ARMH3: variants seen among roughly 807,000 people sequenced by gnomAD.
ARMH3 encodes the protein armadillo-like helical domain-containing protein 3.
A neutral mutation model predicts 99.1 loss-of-function variants in ARMH3; 60 were observed. The ratio of observed to expected loss-of-function variants is 0.61; its 90% CI spans 0.49 to 0.75. The LOEUF is 0.75. Ranked by LOEUF, ARMH3 falls within the 30% of genes least tolerant of loss-of-function variation. The pLI, the probability that ARMH3 is intolerant of heterozygous loss-of-function variation, is 0.00. For synonymous variants in ARMH3, 285 were observed against 292.8 expected (o/e 0.97, Z 0.27); for missense variants, 679 against 843.1 (o/e 0.81, Z 2.41).
At chr10:101,877,416 C>T (rs2067296246) in intron 24 of ARMH3, among the ~76,000 whole-genome samples, 1 of 152,144 alleles carries the variant, frequency 6.6e-6, no homozygotes, top group South Asian at 2.1e-4. Flanking sequence ...AATCCCAACA[C>T]TTTGGGAGGC....
At chr10:102,006,703 C>G in intron 13 of ARMH3, 70 bp from the exon 14 acceptor site, 8 of 1,399,404 alleles carry the variant, frequency 5.7e-6, no homozygotes, top group Non-Finnish European at 8.1e-6. Flanking sequence ...GTGCCTAATA[C>G]CAATAAGGAC....
In ARMH3 at chr10:101,974,170, G is replaced by C. The variant is rs1845890121; in HGVS notation, c.1495+1042C>G. Among the ~76,000 whole-genome samples, 3 of 152,182 alleles carry C rather than the reference G, an allele frequency of 2.0e-5. No homozygotes were observed. In the South Asian group the frequency reaches 6.2e-4, roughly 32 times the overall value. On this transcript the variant is annotated intron_variant, in intron 20 of 25. Transcript: ENST00000370033. ...CTCCTACTCCCCCTTTACCACCATA[G>C]GCAGTAACTGCAAAAACTTGCTAAT... is the stretch of plus-strand genomic sequence containing the variant.
At chr10:101,879,617 G>C (rs2067360973) in intron 24 of ARMH3, among the ~76,000 whole-genome samples, 1 of 152,152 alleles carries the variant, frequency 6.6e-6, no homozygotes, top group Admixed American at 6.5e-5. Context: ...CTCCAAAAGT[G>C]CTGGGACTAC....
chr10:102,002,854 G>C lies in ARMH3; in HGVS notation c.1049-782C>G, dbSNP rs187424569. On this transcript the variant is annotated intron_variant, in intron 14 of 25. Transcript: ENST00000370033. ...TCGGTGCCTATAATCCCACCTACTAGGGAAGCTGAGGCAGGAGAATTGCTT... is the reference window on the plus strand; with the variant it reads ...TCGGTGCCTATAATCCCACCTACTACGGAAGCTGAGGCAGGAGAATTGCTT... Among the ~76,000 whole-genome samples the C allele has an allele frequency of 2.2e-3, 339 of 151,780 alleles. 1 individual carries two copies. The highest frequency in any genetic ancestry group is 0.014 in the Middle Eastern group (4 of 294).
At chr10:101,911,930 G>A (rs540690901) in intron 23 of ARMH3, among the ~76,000 whole-genome samples, 31 of 152,148 alleles carry the variant, frequency 2.0e-4, no homozygotes, top group African/African-American at 5.5e-4. Context: ...TTACTCAGGA[G>A]GCTGAAGCAG....
At chr10:101,876,357 T>A (rs756435743) in intron 24 of ARMH3, among the ~76,000 whole-genome samples, 12 of 152,080 alleles carry the variant, frequency 7.9e-5, no homozygotes, top group African/African-American at 1.2e-4. Flanking sequence ...CACCTGAAAT[T>A]TCTTTTCTTG....
At chr10:101,972,341 T>C (rs1219835543) in intron 20 of ARMH3, among the ~76,000 whole-genome samples, 1 of 152,206 alleles carries the variant, frequency 6.6e-6, no homozygotes. Flanking sequence ...GAGGATTGCT[T>C]CCTAGATAAT....
At chr10:101,977,935 T>A (rs941401973) in intron 19 of ARMH3, among the ~76,000 whole-genome samples, 1 of 152,182 alleles carries the variant, frequency 6.6e-6, no homozygotes, top group African/African-American at 2.4e-5. Flanking sequence ...CTTTTCTCTA[T>A]AAATTTTTCA....
At position 101,992,346 on chromosome 10, in the gene ARMH3, T is replaced by G. The variant is rs532814068; in HGVS notation, c.1276-308A>C. ...TTTGCTTTTAGTTATATAAGTGGCA[T>G]TACTAACGACAAAAGAGGTACACTG... On this transcript the variant is annotated intron_variant, in intron 17 of 25. Transcript: ENST00000370033. 1.3e-4 allele frequency among the ~76,000 whole-genome samples: 20 copies of G among 152,168 alleles called. No individual in the cohort carries two copies. In the South Asian group the frequency reaches 3.5e-3, roughly 27 times the overall value.
intron 22 of ARMH3, among the ~76,000 whole-genome samples, chr10:101,951,636 G>T (rs1386709611): frequency 6.6e-6 from 1 of 152,108 alleles, no homozygotes; most frequent in Non-Finnish European, 1.5e-5. Context: ...GGAGGCTGAG[G>T]AGGGCAAATC....
chr10:101,924,270 G>C (rs1209177885), intron 23 of ARMH3, among the ~76,000 whole-genome samples: 1 of 152,088 alleles, frequency 6.6e-6, no homozygotes, highest in Non-Finnish European at 1.5e-5. Flanking sequence ...GATGTTCAGA[G>C]GGGAGATTCA....
At chr10:101,951,246 C>A (rs1369782078) in intron 22 of ARMH3, among the ~76,000 whole-genome samples, 3 of 152,094 alleles carry the variant, frequency 2.0e-5, no homozygotes, top group Non-Finnish European at 4.4e-5. Context: ...TTGCCATAAT[C>A]CCAATCAAAA....
At chr10:102,021,960 G>T (rs568675156) in intron 8 of ARMH3, among the ~76,000 whole-genome samples, 1 of 152,118 alleles carries the variant, frequency 6.6e-6, no homozygotes, top group Non-Finnish European at 1.5e-5. Flanking sequence ...AAAGCACTAG[G>T]ATTACAGGTG....
At chr10:101,962,979 T>C (rs919063346) in intron 20 of ARMH3, among the ~76,000 whole-genome samples, 1 of 150,314 alleles carries the variant, frequency 6.7e-6, no homozygotes, top group African/African-American at 2.4e-5. Flanking sequence ...TCTTTTTTTT[T>C]TTTTTTTTGA....
intron 1 of ARMH3, among the ~76,000 whole-genome samples, chr10:102,053,731 C>T (rs537038669): frequency 5.9e-4 from 89 of 151,658 alleles, no homozygotes; most frequent in African/African-American, 2.1e-3. Context: ...ACCATCCCGG[C>T]TCACTGCAAG....
rs114898665 is a variant in ARMH3, at chr10:101,985,259, T to C, written c.1406+5292A>G. Among the ~76,000 whole-genome samples, 1,382 of 149,102 alleles carry C rather than the reference T, an allele frequency of 9.3e-3. 16 individuals carry two copies. The highest frequency in any genetic ancestry group is 0.032 in the African/African-American group (1,300 of 40,748). On this transcript the variant is annotated intron_variant, in intron 19 of 25. Transcript: ENST00000370033. ...ATGTATATATACGTGTGTATATATA[T>C]GTGTATATACGTATGTGTATATACG...
intron 24 of ARMH3, among the ~76,000 whole-genome samples, chr10:101,879,283 A>T (rs909722461): frequency 1.3e-5 from 2 of 152,174 alleles, no homozygotes; most frequent in Non-Finnish European, 2.9e-5. Flanking sequence ...ACCCTGAAGA[A>T]ATTACTTAGA....
chr10:101,915,515 C>T (rs1843041662), intron 23 of ARMH3, among the ~76,000 whole-genome samples: 1 of 152,110 alleles, frequency 6.6e-6, no homozygotes, highest in South Asian at 2.1e-4. Context: ...GATAGTTTGG[C>T]ATTTGGGAAG....
Position 102,006,552 on chromosome 10 carries a change from G to A in ARMH3, c.1036C>T (p.Pro346Ser). The change falls in exon 14 of 26, where the codon CCT (proline) becomes TCT (serine). Residue 346 changes from proline to serine, a missense_variant. By Grantham distance (74) the Pro-to-Ser change is moderately conservative. Around this residue, in one of 3 missense-constraint regions of ARMH3, gnomAD observed 389 missense variants for 456.5 expected, o/e 0.85. Transcript: ENST00000370033. ...GTGGTGGGCTCACCATCAGAGGAAG[G>A]CGGTGTGGTCCCAAGTGGTGTGACT... ...TPVTPLGTTPPSSDVISSVEL... is the reference protein window; with the variant it reads ...TPVTPLGTTPSSSDVISSVEL... 1 of 1,613,812 alleles carries A rather than the reference G, an allele frequency of 6.2e-7. No individual in the cohort carries two copies. Among genetic ancestry groups the A allele is most frequent in the Non-Finnish European group, 8.5e-7 (1 of 1,179,740 alleles).
Sources: allele counts gnomAD v4.1 joint callset (sites outside exome capture counted in the v4.1 genomes callset), GRCh38; gene constraint gnomAD v4.1.1; regional missense constraint gnomAD v4.1.1; transcripts MANE v1.5; gene names NCBI Gene and HGNC (gene_info 2026-07-23, HGNC 2026-07-21).